Variants in CYP24A1 observed in about 807,000 individuals in gnomAD.
CYP24A1 encodes 1,25-dihydroxyvitamin D(3) 24-hydroxylase, mitochondrial.
Under a neutral mutation model 62.4 loss-of-function variants are expected in CYP24A1, and 68 were observed. The observed-to-expected ratio is 1.09, with a 90% CI of 0.90 to 1.33. The LOEUF (loss-of-function observed/expected upper bound fraction) is 1.33. Among genes scored for constraint, CYP24A1 ranks in the 40% most tolerant of loss-of-function variants. The pLI is 0.00. For missense variants in CYP24A1, 787 were observed against 653.0 expected, an observed-to-expected ratio of 1.21 and a Z score of -2.24; for synonymous variants, 267 against 253.0, an observed-to-expected ratio of 1.06 and a Z score of -0.52.
intron 8 of CYP24A1, 84 bp downstream of exon 8, chr20:54,158,873 G>A (rs977115592): frequency 1.9e-5 from 31 of 1,606,092 alleles, no homozygotes; most frequent in African/African-American, 1.6e-4. Flanking sequence ...AGGGGAAGCC[G>A]CCCATGAGTA....
In CYP24A1 at chr20:54,164,476, C is replaced by T; in HGVS notation, c.820G>A (p.Ala274Thr). Residue 274 changes from alanine to threonine, a missense_variant, in exon 6 of 12, where the codon GCC becomes ACC. Physicochemically the swap from Ala to Thr is moderately conservative, Grantham distance 58. Transcript: ENST00000216862. ...NTKVWQDHTL[A>T]WDTIFKSVKA... ...CCTGATTTGAAAATGGTGTCCCAGG[C>T]CAGAGTGTGGTCCTGCCAGACCTTG... 6.2e-7 allele frequency: 1 copy of T among 1,614,124 alleles called. No homozygotes were observed. The highest frequency in any genetic ancestry group is 1.1e-5 in the South Asian group (1 of 91,080).
intron 4 of CYP24A1, among the ~76,000 whole-genome samples, chr20:54,167,713 C>T (rs2092677058): frequency 6.6e-6 from 1 of 152,084 alleles, no homozygotes. Flanking sequence ...GTGGAGGTTG[C>T]AGTGAGCCGA....
At chr20:54,172,204 C>T (rs188310808) in intron 2 of CYP24A1, among the ~76,000 whole-genome samples, 5 of 152,270 alleles carry the variant, frequency 3.3e-5, no homozygotes, top group Admixed American at 6.5e-5. Flanking sequence ...CTTGTAGGCA[C>T]CTGCCCCATA....
In CYP24A1 at chr20:54,173,019, G is replaced by T. The variant is rs918512715; in HGVS notation, c.339C>A (p.Cys113Ter). ...CGGTGCGGTACAGCGCTTCCAGCAG[G>T]CATGGCGAGCCCAGGTGCACCGACT... Reference protein sequence around the residue: ...SFESVHLGSPCLLEALYRTES... With the variant: ...SFESVHLGSP The change falls in exon 2 of 12, where the codon TGC becomes TGA. Residue 113 changes from cysteine (C) to a stop codon, truncating the protein, a stop_gained. Transcript: ENST00000216862. LOFTEE classifies it high-confidence loss of function. The surrounding 1 kb of genome is among the most constrained non-coding windows in gnomAD (Gnocchi z 7.2). 1.2e-6 allele frequency: 2 copies of T among 1,610,758 alleles called. No homozygotes were observed. The highest frequency in any genetic ancestry group is 1.3e-5 in the African/African-American group (1 of 74,938).
chr20:54,169,540 A>T (rs2146501732), intron 4 of CYP24A1, 52 bp downstream of exon 4: 1 of 1,613,262 alleles, frequency 6.2e-7, no homozygotes, highest in Non-Finnish European at 8.5e-7. Flanking sequence ...GCCATGTTTT[A>T]TCCGCAAAAT....
At chr20:54,164,696 G>C in intron 5 of CYP24A1, 133 bp from the exon 6 acceptor site, 1 of 1,531,126 alleles carries the variant, frequency 6.5e-7, no homozygotes, top group Non-Finnish European at 8.8e-7. Flanking sequence ...GGACACCCCC[G>C]GCTCTCTCTG....
intron 8 of CYP24A1, 93 bp downstream of exon 8, chr20:54,158,864 G>A: frequency 1.2e-6 from 2 of 1,601,714 alleles, no homozygotes; most frequent in Non-Finnish European, 1.7e-6. Flanking sequence ...TAATTAGCTA[G>A]GGGAAGCCGC....
intron 3 of CYP24A1, among the ~76,000 whole-genome samples, chr20:54,170,511 A>T (rs761158122): frequency 4.6e-4 from 70 of 152,156 alleles, no homozygotes; most frequent in Admixed American, 3.9e-3. Context: ...TTTAGTTTGC[A>T]AGTTTAATTT....
intron 6 of CYP24A1, among the ~76,000 whole-genome samples, chr20:54,163,720 G>A (rs1306258788): frequency 6.6e-6 from 1 of 152,196 alleles, no homozygotes; most frequent in Admixed American, 6.5e-5. Context: ...TCTAGTCCAC[G>A]GAGATACTGT....
chr20:54,173,150 C>A lies in CYP24A1; in HGVS notation c.259-51G>T. On this transcript the variant is annotated intron_variant, in intron 1 of 11. Transcript: ENST00000216862. This position sits in a 1 kb window ranked among gnomAD's most constrained non-coding sequence, Gnocchi z 7.2. ...TGTCAGCGCGCATCCTCCGCCGTGC[C>A]CGAAGCGCTTTCCCTCCTCCCGCCT... 6.3e-7 allele frequency: 1 copy of A among 1,591,170 alleles called. No individual in the cohort carries two copies. Among genetic ancestry groups the A allele is most frequent in the South Asian group, 1.1e-5 (1 of 90,672 alleles).
Position 54,157,421 on chromosome 20 carries a change from T to TA in CYP24A1, c.1400dup (p.Leu467PhefsTer25). 2 of 1,604,622 alleles carry TA rather than the reference T, an allele frequency of 1.2e-6. No homozygotes were observed. Among genetic ancestry groups the TA allele is most frequent in the African/African-American group, 1.3e-5 (1 of 74,874 alleles). ...GAGCCAAATGCAGTTGAAGCTCTGC[T>TA]AATCGGCGACCAATGCACATTCTTT... is the stretch of plus-strand genomic sequence containing the variant. On this transcript the variant is annotated frameshift_variant, in exon 10 of 12. Coordinates refer to ENST00000216862, the MANE Select transcript of CYP24A1 (RefSeq NM_000782.5). LOFTEE classifies it high-confidence loss of function.
At chr20:54,152,812 G>T (rs6068810), downstream of CYP24A1, among the ~76,000 whole-genome samples, 6,132 of 152,216 alleles carry the variant, frequency 0.04, 191 homozygotes, top group East Asian at 0.14. Flanking sequence ...GCAGGATGAG[G>T]CATGATCAGG....
the CYP24A1 span, among the ~76,000 whole-genome samples, chr20:54,145,242 TGTCCAAA>T: frequency 6.6e-6 from 1 of 152,022 alleles, no homozygotes; most frequent in African/African-American, 2.4e-5. Context: ...ACTTAATGTT[TGTCCAAA>T]GTCAGACTCA....
downstream of CYP24A1, among the ~76,000 whole-genome samples, chr20:54,152,377 A>C (rs904292053): frequency 6.6e-6 from 1 of 152,120 alleles, no homozygotes; most frequent in African/African-American, 2.4e-5. Context: ...CTGGAACTTC[A>C]CTCAAAACCA....
chr20:54,156,909 A>G (rs2146461507), intron 11 of CYP24A1, among the ~76,000 whole-genome samples: 1 of 152,336 alleles, frequency 6.6e-6, no homozygotes, highest in South Asian at 2.1e-4. Flanking sequence ...GCTAGCATTT[A>G]CTGAACACTT....
Position 54,173,265 on chromosome 20 carries a change from C to T in CYP24A1, c.258+57G>A. ...CGCGCATGTCGGGGAGGGTTTGGAG[C>T]GCCACTGGGAGGGCGGAAGAGGGAG... On this transcript the variant is annotated intron_variant, in intron 1 of 11. Transcript: ENST00000216862. This position sits in a 1 kb window ranked among gnomAD's most constrained non-coding sequence, Gnocchi z 7.2. The T allele has an allele frequency of 6.4e-7, 1 of 1,553,428 alleles. No homozygotes were observed. The highest frequency in any genetic ancestry group is 8.9e-7 in the Non-Finnish European group (1 of 1,129,218).
At chr20:54,163,907 C>T (rs2024765471) in intron 6 of CYP24A1, among the ~76,000 whole-genome samples, 1 of 152,140 alleles carries the variant, frequency 6.6e-6, no homozygotes, top group African/African-American at 2.4e-5. Flanking sequence ...CAGAGCTGAA[C>T]TTGAACTCAG....
chr20:54,169,611 C>T lies in CYP24A1; in HGVS notation c.621G>A (p.Leu207=), dbSNP rs1403734524. 2 of 1,614,166 alleles carry T rather than the reference C, an allele frequency of 1.2e-6. No homozygotes were observed. The highest frequency in any genetic ancestry group is 3.3e-5 in the Admixed American group (2 of 60,026). The change falls in exon 4 of 12, where the codon CTG becomes CTA. Residue 207 remains leucine (L), a synonymous_variant. Coordinates refer to ENST00000216862, the MANE Select transcript of CYP24A1 (RefSeq NM_000782.5). ...ACTTACTTTCAAACGACCATTTGTT[C>T]AGTTCGCTGTACAAGTCTTCAACGT... ...RGHVEDLYSE[L]NKWSFESICL...
intron 5 of CYP24A1, among the ~76,000 whole-genome samples, chr20:54,164,844 A>G (rs1485195588): frequency 1.3e-5 from 2 of 151,690 alleles, no homozygotes; most frequent in Non-Finnish European, 2.9e-5. Context: ...AAAAAAAAAA[A>G]AGAGGAAAAA....
Sources: gnomAD v4.1 joint callset for allele counts (sites outside exome capture counted in the v4.1 genomes callset) on GRCh38, gnomAD v4.1.1 for gene constraint, Gnocchi (gnomAD v3.1) non-coding constraint, MANE v1.5 for transcripts, NCBI Gene and HGNC (gene_info 2026-07-23, HGNC 2026-07-21) for gene names.